PAXIP1: variants seen among roughly 807,000 people sequenced by gnomAD.
The protein encoded by PAXIP1 is PAX-interacting protein 1.
Under a neutral mutation model 140.6 loss-of-function variants are expected in PAXIP1, and 19 were observed. That is an observed-to-expected ratio of 0.14 (90% CI 0.09 to 0.20). The LOEUF (loss-of-function observed/expected upper bound fraction) is 0.20. PAXIP1 is among the 10% of genes least tolerant of loss of function. The pLI is 1.00. For synonymous variants in PAXIP1, 442 were observed against 444.6 expected (o/e 0.99, Z 0.07); for missense variants, 920 against 1,208.6 (o/e 0.76, Z 3.54).
chr7:154,979,944 G>C (rs1253793480), intron 5 of PAXIP1, among the ~76,000 whole-genome samples: 3 of 152,098 alleles, frequency 2.0e-5, no homozygotes, highest in African/African-American at 7.2e-5. Context: ...CTGTGATCTT[G>C]GCTGAAACTA....
chr7:154,950,179 AG>A (rs1312915027), intron 16 of PAXIP1: 1 of 152,208 alleles, frequency 6.6e-6, no homozygotes, highest in African/African-American at 2.4e-5. Flanking sequence ...AAACAGGTGG[AG>A]AAAAGAGTGT....
chr7:154,986,412 T>C lies in PAXIP1; in HGVS notation c.325-3080A>G, dbSNP rs1011604365. Among the ~76,000 whole-genome samples the C allele has an allele frequency of 2.0e-5, 3 of 152,160 alleles. No individual in the cohort carries two copies. The highest frequency in any genetic ancestry group is 7.2e-5 in the African/African-American group (3 of 41,410). ...TTTCATTTTTGCATATGTTGCAACA[T>C]ACCGTATTTGCCCAAGGCCTGACCC... On this transcript the variant is annotated intron_variant, in intron 4 of 20. Coordinates refer to ENST00000404141, the MANE Select transcript of PAXIP1 (RefSeq NM_007349.4). The surrounding 1 kb of genome is among the most constrained non-coding windows in gnomAD (Gnocchi z 4.8).
chr7:154,953,806 G>A (rs1808388988), intron 16 of PAXIP1, among the ~76,000 whole-genome samples: 1 of 152,016 alleles, frequency 6.6e-6, no homozygotes. Context: ...TTTCTCTTTG[G>A]GGGCTCTGAA....
Position 154,968,952 on chromosome 7 carries a change from A to G in PAXIP1, c.1249T>C (p.Leu417=), listed in dbSNP as rs1809166754. 1 of 1,498,336 alleles carries G rather than the reference A, an allele frequency of 6.7e-7. No individual in the cohort carries two copies. Among genetic ancestry groups the G allele is most frequent in the East Asian group, 2.6e-5 (1 of 38,208 alleles). The allele number at this position is 1,498,336 out of a possible 1,614,324, so 92.8% of individuals were successfully genotyped here. Residue 417 remains leucine, a synonymous_variant, in exon 7 of 21, where the codon TTA becomes CTA. Coordinates refer to ENST00000404141, the MANE Select transcript of PAXIP1 (RefSeq NM_007349.4). ...AQQQQQQHPV[L]HLQPQQIMQL... ...ATTATCTGCTGGGGCTGAAGGTGTAAAACCGGGTGCTGCTGCTGCTGCTGC... is the reference window on the plus strand; with the variant it reads ...ATTATCTGCTGGGGCTGAAGGTGTAGAACCGGGTGCTGCTGCTGCTGCTGC...
In PAXIP1 at chr7:154,985,178, T is replaced by C. The variant is rs1563384380; in HGVS notation, c.325-1846A>G. 3.3e-5 allele frequency among the ~76,000 whole-genome samples: 5 copies of C among 152,378 alleles called. 1 individual carries two copies. Among genetic ancestry groups the C allele is most frequent in the Admixed American group, 3.3e-4 (5 of 15,306 alleles). ...GTTAACAATAGTTACTTAGTGGTGA[T>C]AGGATTATGGGGACATTTTTATTTT... On this transcript the variant is annotated intron_variant, in intron 4 of 20. Coordinates refer to ENST00000404141, the MANE Select transcript of PAXIP1 (RefSeq NM_007349.4).
At chr7:154,991,617 AAT>A (rs1207748356) in intron 3 of PAXIP1, among the ~76,000 whole-genome samples, 2 of 152,184 alleles carry the variant, frequency 1.3e-5, no homozygotes, top group Non-Finnish European at 2.9e-5. Flanking sequence ...CAAAAGTTGG[AAT>A]ATATGATTCC....
rs1415981102 is a variant in PAXIP1, at chr7:154,961,662, A to G, written c.2128-14T>C. ...CACAGAAATAATCTAAGAAAAAAAG[A>G]GAAAATAAGGTAAACACAAAATAAG... On this transcript the variant is annotated splice_polypyrimidine_tract_variant and intron_variant, in intron 10 of 20. Coordinates refer to ENST00000404141, the MANE Select transcript of PAXIP1 (RefSeq NM_007349.4). 6.4e-7 allele frequency: 1 copy of G among 1,573,144 alleles called. No homozygotes were observed. Among genetic ancestry groups the G allele is most frequent in the South Asian group, 1.2e-5 (1 of 85,530 alleles).
At chr7:154,991,622 A>G (rs950191314) in intron 3 of PAXIP1, among the ~76,000 whole-genome samples, 2 of 152,220 alleles carry the variant, frequency 1.3e-5, no homozygotes, top group African/African-American at 4.8e-5. Flanking sequence ...GTTGGAATAT[A>G]TGATTCCAAA....
intron 4 of PAXIP1, among the ~76,000 whole-genome samples, chr7:154,988,719 C>T (rs1181738291): frequency 2.0e-5 from 3 of 152,210 alleles, no homozygotes; most frequent in Non-Finnish European, 4.4e-5. Context: ...CAGCGTGGCC[C>T]TTCGTCCTCT....
intron 4 of PAXIP1, among the ~76,000 whole-genome samples, chr7:154,988,125 C>T (rs1810158637): frequency 6.6e-6 from 1 of 152,228 alleles, no homozygotes; most frequent in East Asian, 1.9e-4. Flanking sequence ...CATCTACCTG[C>T]CTGACCATTT....
chr7:154,957,197 T>C (rs1038527844), intron 14 of PAXIP1, 27 bp downstream of exon 14: 2 of 1,345,210 alleles, frequency 1.5e-6, no homozygotes, highest in Non-Finnish European at 1.0e-6. Flanking sequence ...AAGCCAGCAA[T>C]GAAAAATTTA....
chr7:154,947,790 G>T, intron 17 of PAXIP1, 113 bp downstream of exon 17: 1 of 783,324 alleles, frequency 1.3e-6, no homozygotes, highest in African/African-American at 1.7e-5. Context: ...GGGATGCAGG[G>T]TGAGCCCAGC....
intron 8 of PAXIP1, 145 bp downstream of exon 8, chr7:154,967,671 A>C (rs1809083692): frequency 3.3e-6 from 2 of 607,626 alleles, no homozygotes; most frequent in East Asian, 5.6e-5. Flanking sequence ...CTCAGGTCAC[A>C]CAGAATGTTA....
chr7:154,967,908 G>A lies in PAXIP1; in HGVS notation c.1801C>T (p.Pro601Ser), dbSNP rs1186381279. ...CATCCCAATAAGAAGCCTTCTTCTG[G>A]AACTAGAGTAAAATTACATAAGAAA... ...LFGHDPAVEI[P>S]EEGFLLGCVF... Residue 601 changes from proline to serine, a missense_variant and splice_region_variant, in exon 8 of 21, where the codon CCA (proline) becomes TCA (serine). Physicochemically the swap from Pro to Ser is moderately conservative, Grantham distance 74. This residue lies in a region of PAXIP1 where 62 missense variants were observed against 69.0 expected (regional missense o/e 0.90). Transcript: ENST00000404141. The A allele has an allele frequency of 1.2e-6, 2 of 1,604,942 alleles. No homozygotes were observed.
At chr7:154,974,804 A>G (rs1809491295) in intron 6 of PAXIP1, among the ~76,000 whole-genome samples, 2 of 152,162 alleles carry the variant, frequency 1.3e-5, no homozygotes, top group Admixed American at 1.3e-4. Flanking sequence ...TGGCCAATAT[A>G]CCACCTCAAC....
In PAXIP1 at chr7:155,003,119, C is replaced by A. The variant is rs1036476033; in HGVS notation, c.-190G>T. On this transcript the variant is annotated 5_prime_UTR_variant, in exon 1 of 21. Coordinates refer to ENST00000404141, the MANE Select transcript of PAXIP1 (RefSeq NM_007349.4). ...CCCGCCCGCGCCCGCGCCGAGCGCCCGAAGCGCGGGAGCCGCGCGCGCCCT... is the reference window on the plus strand; with the variant it reads ...CCCGCCCGCGCCCGCGCCGAGCGCCAGAAGCGCGGGAGCCGCGCGCGCCCT... 6.3e-6 allele frequency: 1 copy of A among 158,034 alleles called. No individual in the cohort carries two copies. The allele number at this position is 158,034 out of a possible 1,614,324, so 9.8% of individuals were successfully genotyped here.
intron 3 of PAXIP1, among the ~76,000 whole-genome samples, chr7:154,991,403 C>T (rs1041104581): frequency 2.0e-5 from 3 of 152,102 alleles, no homozygotes; most frequent in Admixed American, 2.0e-4. Context: ...TGCCTATACA[C>T]ATACACACAA....
chr7:154,999,210 A>C (rs924783772), intron 1 of PAXIP1, among the ~76,000 whole-genome samples: 4 of 152,228 alleles, frequency 2.6e-5, no homozygotes, highest in African/African-American at 9.6e-5. Context: ...CAGAACCCTC[A>C]TAAACGTCTG....
chr7:154,985,321 CTAAT>C (rs1810020311), intron 4 of PAXIP1, among the ~76,000 whole-genome samples: 2 of 152,088 alleles, frequency 1.3e-5, no homozygotes, highest in African/African-American at 4.8e-5. Flanking sequence ...ATCATGTTGG[CTAAT>C]AATGTCTCCT....
Sources: allele counts gnomAD v4.1 joint callset (sites outside exome capture counted in the v4.1 genomes callset), GRCh38; gene constraint gnomAD v4.1.1; regional missense constraint gnomAD v4.1.1; non-coding constraint Gnocchi (gnomAD v3.1); transcripts MANE v1.5; gene names NCBI Gene and HGNC (gene_info 2026-07-23, HGNC 2026-07-21).